The following LCT variants were observed in gnomAD, a reference collection of about 807,000 sequenced individuals.
LCT encodes the protein lactase.
A neutral mutation model predicts 173.0 loss-of-function variants in LCT; 90 were observed. The ratio of observed to expected loss-of-function variants is 0.52; its 90% CI spans 0.44 to 0.62. The LOEUF is 0.62. Among genes scored for constraint, LCT ranks in the 20% least tolerant of loss-of-function variants. The pLI, the probability that LCT is intolerant of heterozygous loss-of-function variation, is 0.00. For synonymous variants in LCT, 853 were observed against 957.6 expected, an observed-to-expected ratio of 0.89 and a Z score of 2.02; for missense variants, 1,864 against 2,431.4, an observed-to-expected ratio of 0.77 and a Z score of 4.91.
At chr2:135,821,827 C>A (rs1385550516) in intron 5 of LCT, 193 bp downstream of exon 5, 2 of 580,582 alleles carry the variant, frequency 3.4e-6, no homozygotes, top group Non-Finnish European at 6.2e-6. Context: ...GAAAGCAGAA[C>A]CTCGTGAGTC....
chr2:135,805,107 C>T, intron 9 of LCT, 50 bp from the exon 10 acceptor site: 1 of 1,551,104 alleles, frequency 6.4e-7, no homozygotes, highest in South Asian at 1.1e-5. Context: ...CAAGCACTCA[C>T]AGCCTCCTTT....
intron 6 of LCT, 32 bp from the exon 7 acceptor site, chr2:135,812,988 T>C: frequency 6.3e-7 from 1 of 1,593,350 alleles, no homozygotes; most frequent in Non-Finnish European, 8.6e-7. Flanking sequence ...AATACAGTGA[T>C]TAGTAATAAT....
chr2:135,795,033 A>ACGCGCG (rs150578954), intron 13 of LCT, among the ~76,000 whole-genome samples: 3 of 148,430 alleles, frequency 2.0e-5, no homozygotes, highest in African/African-American at 4.9e-5. Context: ...ACACGCACCC[A>ACGCGCG]CGCGCGCGCG....
intron 5 of LCT, chr2:135,821,799 G>A (rs2077834354): frequency 3.6e-6 from 2 of 551,754 alleles, no homozygotes; most frequent in South Asian, 4.1e-5. Flanking sequence ...GCGCACAGTT[G>A]GGCGAACTGA....
At position 135,817,327 on chromosome 2, in the gene LCT, G is replaced by A; in HGVS notation, c.1707+14C>T. 6.2e-7 allele frequency: 1 copy of A among 1,613,090 alleles called. No homozygotes were observed. The highest frequency in any genetic ancestry group is 8.5e-7 in the Non-Finnish European group (1 of 1,179,376). ...TCTCCTCCAATTAGTAGGAGCTGCA[G>A]GGTTGGGAAGTACCTTAAAAGAGGC... On this transcript the variant is annotated intron_variant, in intron 6 of 16. Transcript: ENST00000264162.
chr2:135,817,917 G>A lies in LCT; in HGVS notation c.1131C>T (p.Phe377=). The change falls in exon 6 of 17, where the codon TTC becomes TTT. Residue 377 remains phenylalanine (F), a synonymous_variant. Transcript: ENST00000264162. ...AGCCTTCAGGGAAAGTATCCTGCAG[G>A]AAGGCATCCCTTTCCGCCCTGGACT... ...ANQSRAERDA[F]LQDTFPEGFL... 6.2e-7 allele frequency: 1 copy of A among 1,614,062 alleles called. No individual in the cohort carries two copies. The highest frequency in any genetic ancestry group is 8.5e-7 in the Non-Finnish European group (1 of 1,180,034).
At position 135,790,601 on chromosome 2, in the gene LCT, T is replaced by C. The variant is rs2077525441; in HGVS notation, c.5335+57A>G. ...GGACGCTGTATCACACTCCTGCAAA[T>C]AGCAGATGTTTCCAACAGGGGAAGG... On this transcript the variant is annotated intron_variant, in intron 15 of 16. Transcript: ENST00000264162. The surrounding 1 kb of genome is among the most constrained non-coding windows in gnomAD (Gnocchi z 4.1). The C allele has an allele frequency of 9.0e-7, 1 of 1,108,940 alleles. No individual in the cohort carries two copies. The highest frequency in any genetic ancestry group is 1.4e-6 in the Non-Finnish European group (1 of 722,134). The allele number at this position is 1,108,940 out of a possible 1,614,324, so 68.7% of individuals were successfully genotyped here.
intron 6 of LCT, 56 bp from the exon 7 acceptor site, chr2:135,813,012 A>T: frequency 6.7e-7 from 1 of 1,484,904 alleles, no homozygotes. Context: ...AATGACAACA[A>T]CAGGACTAAT....
intron 13 of LCT, among the ~76,000 whole-genome samples, chr2:135,795,452 G>A (rs1963885): frequency 2.6e-5 from 4 of 151,754 alleles, no homozygotes; most frequent in Non-Finnish European, 5.9e-5. Flanking sequence ...CAAGTGATCC[G>A]CCCACCTCAG....
chr2:135,792,717 C>T (rs1421040388), intron 14 of LCT, among the ~76,000 whole-genome samples: 1 of 152,176 alleles, frequency 6.6e-6, no homozygotes. Context: ...CCCCCTATTC[C>T]CCCACAGTGG....
At chr2:135,822,257 T>G in intron 4 of LCT, 159 bp from the exon 5 acceptor site, 2 of 632,844 alleles carry the variant, frequency 3.2e-6, no homozygotes, top group Non-Finnish European at 5.7e-6. Flanking sequence ...TTTAAAAGCT[T>G]AGAAGTGAAT....
chr2:135,822,393 A>G, intron 4 of LCT: 1 of 399,108 alleles, frequency 2.5e-6, no homozygotes, highest in East Asian at 5.5e-5. Flanking sequence ...GGTCTCAAGT[A>G]GGGCTCAAGA....
chr2:135,797,423 C>G (rs188484893), intron 13 of LCT, among the ~76,000 whole-genome samples: 116 of 152,326 alleles, frequency 7.6e-4, no homozygotes, highest in African/African-American at 1.1e-3. Flanking sequence ...CTCACCCCAC[C>G]TGCATGATTC....
chr2:135,824,567 T>C (rs1453082915), intron 3 of LCT, among the ~76,000 whole-genome samples: 1 of 152,130 alleles, frequency 6.6e-6, no homozygotes. Context: ...TAATTAAAAA[T>C]CTAGTTTGGG....
chr2:135,823,664 T>C (rs931050422), intron 4 of LCT, among the ~76,000 whole-genome samples: 1 of 152,204 alleles, frequency 6.6e-6, no homozygotes, highest in African/African-American at 2.4e-5. Flanking sequence ...ACTATCTTTA[T>C]GTCCATAAGA....
chr2:135,817,829 C>T lies in LCT; in HGVS notation c.1219G>A (p.Gly407Arg). ...CTGCGTGGATCCCAGATGCTCACCC[C>T]TCTCCCACCCTCGGCCCAGCCTCCT... ...VEGGWAEGGR[G>R]VSIWDPRRPL... The change falls in exon 6 of 17, where the codon GGG becomes AGG. Residue 407 changes from glycine (G) to arginine (R), a missense_variant. By Grantham distance (125) the Gly-to-Arg change is moderately radical. Transcript: ENST00000264162. 6.2e-7 allele frequency: 1 copy of T among 1,614,046 alleles called. No individual in the cohort carries two copies. Among genetic ancestry groups the T allele is most frequent in the Non-Finnish European group, 8.5e-7 (1 of 1,180,028 alleles).
At chr2:135,793,306 G>A (rs1462057022) in intron 14 of LCT, among the ~76,000 whole-genome samples, 1 of 152,174 alleles carries the variant, frequency 6.6e-6, no homozygotes, top group Non-Finnish European at 1.5e-5. Context: ...ACTCTTTGCA[G>A]ACATTCCTCA....
intron 1 of LCT, 117 bp from the exon 2 acceptor site, chr2:135,833,307 T>C: frequency 1.3e-6 from 1 of 799,476 alleles, no homozygotes; most frequent in East Asian, 2.4e-5. Context: ...ATGACTTTAC[T>C]CTAGCTGAAA....
At position 135,795,033 on chromosome 2, in the gene LCT, A is replaced by ACG. The variant is rs150578954; in HGVS notation, c.4977-260_4977-259dup. On this transcript the variant is annotated intron_variant, in intron 13 of 16. Coordinates refer to ENST00000264162, the MANE Select transcript of LCT (RefSeq NM_002299.4). The stretch of plus-strand genomic sequence containing the variant: ...TGAAGGACCACACACACACGCACCC[A>ACG]CGCGCGCGCGCGCACACACACACAC... Among the ~76,000 whole-genome samples, 136,311 of 148,460 alleles carry ACG rather than the reference A, an allele frequency of 0.92. 62,742 individuals carry two copies. The highest frequency in any genetic ancestry group is 0.97 in the Non-Finnish European group (64,461 of 66,572).
Sources: allele counts gnomAD v4.1 joint callset (sites outside exome capture counted in the v4.1 genomes callset), GRCh38; gene constraint gnomAD v4.1.1; non-coding constraint Gnocchi (gnomAD v3.1); transcripts MANE v1.5; gene names NCBI Gene and HGNC (gene_info 2026-07-23, HGNC 2026-07-21).